Variants in TCERG1L observed in about 807,000 individuals in gnomAD.
The protein encoded by TCERG1L is transcription elongation regulator 1 like, also known as transcription elongation regulator 1-like protein.
Under a neutral mutation model 56.3 loss-of-function variants are expected in TCERG1L, and 37 were observed. The observed-to-expected ratio is 0.66, with a 90% confidence interval of 0.51 to 0.87. The LOEUF (loss-of-function observed/expected upper bound fraction) is 0.87, where lower values mean the gene tolerates loss of function less well. Ranked by LOEUF, TCERG1L falls within the 40% of genes least tolerant of loss-of-function variation. The probability of loss-of-function intolerance (pLI) is 0.00; values close to 1 mark genes in which losing one functional copy is unlikely to be tolerated. For synonymous variants in TCERG1L, 324 were observed against 326.3 expected, an observed-to-expected ratio of 0.99 and a Z score of 0.08; for missense variants, 799 against 774.2, an observed-to-expected ratio of 1.03 and a Z score of -0.38.
At chr10:131,120,082 AGG>A (rs1386381905) in intron 8 of TCERG1L, among the ~76,000 whole-genome samples, 1 of 152,024 alleles carries the variant, frequency 6.6e-6, no homozygotes, top group African/African-American at 2.4e-5. Context: ...ACCCCTAAGC[AGG>A]GGTGCTCTCT....
chr10:131,311,631 T>C lies in TCERG1L; in HGVS notation c.5A>G (p.Gln2Arg). M[Q>R]AGARFQRRRR... is the part of the protein sequence containing the mutation. ...CCGCCGCTGGAACCTGGCGCCCGCCTGCATCCTACATCCCCGCGCTGACGG... is the reference window on the plus strand; with the variant it reads ...CCGCCGCTGGAACCTGGCGCCCGCCCGCATCCTACATCCCCGCGCTGACGG... The change falls in exon 1 of 12, where the codon CAG becomes CGG. Residue 2 changes from glutamine to arginine, a missense_variant. Transcript: ENST00000368642. This position sits in a 1 kb window ranked among gnomAD's most constrained non-coding sequence, Gnocchi z 4.0. The C allele has an allele frequency of 1.8e-6, 2 of 1,127,974 alleles. No homozygotes were observed. The highest frequency in any genetic ancestry group is 8.6e-5 in the South Asian group (2 of 23,360). The allele number at this position is 1,127,974 out of a possible 1,614,324, so 69.9% of individuals were successfully genotyped here.
intron 4 of TCERG1L, among the ~76,000 whole-genome samples, chr10:131,251,311 G>C (rs12258434): frequency 0.27 from 26,961 of 100,484 alleles, 1,922 homozygotes; most frequent in African/African-American, 0.36. Flanking sequence ...CCCTCCCCCC[G>C]GCCCCTCCTC....
intron 4 of TCERG1L, among the ~76,000 whole-genome samples, chr10:131,243,441 T>C (rs1001843854): frequency 3.9e-5 from 6 of 151,936 alleles, no homozygotes; most frequent in Non-Finnish European, 8.8e-5. Context: ...ATTAGCTCGG[T>C]GTAGTGGTAT....
intron 9 of TCERG1L, among the ~76,000 whole-genome samples, chr10:131,109,295 C>T (rs1379233712): frequency 1.3e-5 from 2 of 152,222 alleles, no homozygotes; most frequent in African/African-American, 4.8e-5. Context: ...CCTTCCTCAC[C>T]CCGCTGTACA....
rs566996317 is a variant in TCERG1L at position 131,143,011 on chromosome 10, C to T, written c.1189+3495G>A. On this transcript the variant is annotated intron_variant, in intron 7 of 11. Coordinates refer to ENST00000368642, the MANE Select transcript of TCERG1L (RefSeq NM_174937.4). ...AGAGAAGAGAGAGAGGCAAGATGGACGAGGGGGCCAGGAGTCAAGGAAATC... is the reference window on the plus strand; with the variant it reads ...AGAGAAGAGAGAGAGGCAAGATGGATGAGGGGGCCAGGAGTCAAGGAAATC... Among the ~76,000 whole-genome samples, 28 of 151,578 alleles carry T rather than the reference C, an allele frequency of 1.8e-4. No homozygotes were observed. The East Asian group carries it at 3.9e-3, about 21-fold the overall frequency.
intron 7 of TCERG1L, among the ~76,000 whole-genome samples, chr10:131,137,066 G>C (rs1483264403): frequency 6.6e-6 from 1 of 152,020 alleles, no homozygotes; most frequent in Non-Finnish European, 1.5e-5. Flanking sequence ...CTTGAAAACA[G>C]AAGGCAGAGG....
chr10:131,122,847 G>A (rs1414676484), intron 8 of TCERG1L, among the ~76,000 whole-genome samples: 1 of 152,204 alleles, frequency 6.6e-6, no homozygotes. Flanking sequence ...CCCCTGTGGG[G>A]TCTGCAGTAT....
intron 4 of TCERG1L, among the ~76,000 whole-genome samples, chr10:131,240,594 TG>T (rs1845960118): frequency 6.6e-6 from 1 of 152,176 alleles, no homozygotes; most frequent in African/African-American, 2.4e-5. Context: ...CTCGAGGTGC[TG>T]GAGACGGGAC....
intron 3 of TCERG1L, among the ~76,000 whole-genome samples, chr10:131,262,725 T>C (rs12573222): frequency 0.28 from 42,302 of 151,986 alleles, 7,668 homozygotes; most frequent in Non-Finnish European, 0.4. Flanking sequence ...ACAGAGGCAT[T>C]GTAGGATCAT....
intron 4 of TCERG1L, among the ~76,000 whole-genome samples, chr10:131,192,432 C>A (rs943027578): frequency 1.4e-5 from 2 of 144,122 alleles, no homozygotes; most frequent in African/African-American, 5.2e-5. Flanking sequence ...ATTGGAACAA[C>A]CCTGATGGAA....
intron 10 of TCERG1L, among the ~76,000 whole-genome samples, chr10:131,100,574 T>C (rs1239315958): frequency 1.3e-5 from 2 of 152,210 alleles, no homozygotes; most frequent in African/African-American, 2.4e-5. Context: ...ATCATTGCTG[T>C]ATGTTCTAGC....
intron 4 of TCERG1L, among the ~76,000 whole-genome samples, chr10:131,169,509 C>T (rs187675414): frequency 6.6e-6 from 1 of 152,334 alleles, no homozygotes; most frequent in East Asian, 1.9e-4. Context: ...TATTTCACGA[C>T]TGCTCTGAGA....
intron 3 of TCERG1L, among the ~76,000 whole-genome samples, chr10:131,287,756 A>G (rs1380009034): frequency 6.6e-6 from 1 of 152,198 alleles, no homozygotes; most frequent in Non-Finnish European, 1.5e-5. Flanking sequence ...ATTCACATCA[A>G]TTATTAAAAT....
rs775548831 is a variant in TCERG1L at position 131,308,352 on chromosome 10, T to C, written c.529A>G (p.Ile177Val). 3 of 1,613,948 alleles carry C rather than the reference T, an allele frequency of 1.9e-6. No homozygotes were observed. The highest frequency in any genetic ancestry group is 1.7e-6 in the Non-Finnish European group (2 of 1,179,894). ...NNSFALDSTWIHPEESRFFHG... is the reference protein window; with the variant it reads ...NNSFALDSTWVHPEESRFFHG... ...AAAAACCTTGACTCCTCAGGATGTA[T>C]CCACGTTGAGTCCAGAGCAAAGGAA... is the stretch of plus-strand genomic sequence containing the variant. Residue 177 changes from isoleucine to valine, a missense_variant, in exon 3 of 12, where the codon ATA (isoleucine) becomes GTA (valine). Physicochemically the swap from Ile to Val is conservative, Grantham distance 29 (BLOSUM62 3). Coordinates refer to ENST00000368642, the MANE Select transcript of TCERG1L (RefSeq NM_174937.4).
At chr10:131,302,582 T>C (rs1453674321) in intron 3 of TCERG1L, among the ~76,000 whole-genome samples, 6 of 151,420 alleles carry the variant, frequency 4.0e-5, no homozygotes, top group Non-Finnish European at 8.8e-5. Context: ...CATAGCTAGA[T>C]CTTTTACTTC....
At chr10:131,137,149 C>CAAAA (rs1257639405) in intron 7 of TCERG1L, among the ~76,000 whole-genome samples, 3 of 151,564 alleles carry the variant, frequency 2.0e-5, no homozygotes, top group Non-Finnish European at 4.4e-5. Flanking sequence ...CAAAAAACAA[C>CAAAA]AAACAAACAA....
chr10:131,257,054 A>AAAGG lies in TCERG1L; in HGVS notation c.856+3204_856+3205insCCTT, dbSNP rs1336988347. On this transcript the variant is annotated intron_variant, in intron 4 of 11. Transcript: ENST00000368642. ...GAAAGAAAGAAAGAAAGAAAGAAAG[A>AAAGG]AAAGAAAGAAAGAAAAAAAAAAAGT... is the stretch of plus-strand genomic sequence containing the variant. Among the ~76,000 whole-genome samples, 437 of 135,424 alleles carry AAAGG rather than the reference A, an allele frequency of 3.2e-3. 14 individuals are homozygous for AAAGG. Among genetic ancestry groups the AAAGG allele is most frequent in the African/African-American group, 3.4e-3 (119 of 35,040 alleles). The allele number at this position is 135,424 out of a possible 152,430, so 88.8% of individuals were successfully genotyped here. A position where few individuals can be genotyped will look rare whatever the true frequency, so the allele number is the denominator to read the frequency against.
At chr10:131,229,321 T>C (rs927324975) in intron 4 of TCERG1L, among the ~76,000 whole-genome samples, 1 of 152,250 alleles carries the variant, frequency 6.6e-6, no homozygotes, top group Non-Finnish European at 1.5e-5. Flanking sequence ...AAATCTGCCT[T>C]CAGAATTCCA....
intron 4 of TCERG1L, among the ~76,000 whole-genome samples, chr10:131,202,407 C>T (rs1011570082): frequency 6.6e-6 from 1 of 152,098 alleles, no homozygotes. Flanking sequence ...CATGGTGAAA[C>T]CCCATTACCA....
Sources: gnomAD v4.1 joint callset for allele counts (sites outside exome capture counted in the v4.1 genomes callset) on GRCh38, gnomAD v4.1.1 for gene constraint, Gnocchi (gnomAD v3.1) non-coding constraint, MANE v1.5 for transcripts, NCBI Gene and HGNC (gene_info 2026-07-23, HGNC 2026-07-21) for gene names.